Variants in WWTR1 observed in about 807,000 individuals in gnomAD.
The protein encoded by WWTR1 is WW domain containing transcription regulator 1.
WWTR1 carries 13 observed loss-of-function variants against 40.1 expected under a neutral mutation model. The ratio of observed to expected loss-of-function variants is 0.32; its 90% CI spans 0.21 to 0.52. The LOEUF (loss-of-function observed/expected upper bound fraction) is 0.52, where lower values mean the gene tolerates loss of function less well. Ranked by LOEUF, WWTR1 falls within the 20% of genes least tolerant of loss-of-function variation. The pLI is 0.97. For synonymous variants in WWTR1, 230 were observed against 210.1 expected, an observed-to-expected ratio of 1.09 and a Z score of -0.82; for missense variants, 436 against 523.1, an observed-to-expected ratio of 0.83 and a Z score of 1.63.
At chr3:149,642,527 G>A (rs960305043) in intron 2 of WWTR1, among the ~76,000 whole-genome samples, 6 of 152,010 alleles carry the variant, frequency 3.9e-5, no homozygotes, top group Non-Finnish European at 8.8e-5. Flanking sequence ...TGTAATCCCA[G>A]CACTTTGGGA....
At chr3:149,523,568 G>C (rs1477100391) in intron 6 of WWTR1, among the ~76,000 whole-genome samples, 1 of 152,208 alleles carries the variant, frequency 6.6e-6, no homozygotes, top group East Asian at 1.9e-4. Context: ...TCTTAAAAGG[G>C]TGTGATTACT....
intron 4 of WWTR1, among the ~76,000 whole-genome samples, chr3:149,723,185 C>CTT (rs35573546): frequency 0.11 from 11,165 of 102,088 alleles, 1,073 homozygotes; most frequent in African/African-American, 0.21. Context: ...CTTTTCTTTT[C>CTT]TTTTTTTTTT....
intron 1 of WWTR1, among the ~76,000 whole-genome samples, chr3:149,675,040 G>A (rs1360259743): frequency 6.6e-6 from 1 of 152,212 alleles, no homozygotes; most frequent in African/African-American, 2.4e-5. Context: ...TCCTTGAGAC[G>A]CTAGTCCGGG....
chr3:149,614,384 C>T (rs1739872982), intron 2 of WWTR1, among the ~76,000 whole-genome samples: 2 of 152,304 alleles, frequency 1.3e-5, no homozygotes, highest in South Asian at 4.1e-4. Context: ...CAGTAACATA[C>T]TGTACAGTTT....
intron 4 of WWTR1, among the ~76,000 whole-genome samples, chr3:149,718,766 CTAA>C (rs1186433310): frequency 6.6e-6 from 1 of 152,136 alleles, no homozygotes; most frequent in Non-Finnish European, 1.5e-5. Flanking sequence ...TTCACTTAGC[CTAA>C]TGTCCTCAAG....
intron 2 of WWTR1, among the ~76,000 whole-genome samples, chr3:149,591,516 C>A (rs1331922268): frequency 1.3e-5 from 2 of 152,038 alleles, no homozygotes; most frequent in East Asian, 1.9e-4. Flanking sequence ...ATGTAACCAG[C>A]CTTTATAATT....
At chr3:149,665,802 C>A (rs1713792068) in intron 2 of WWTR1, among the ~76,000 whole-genome samples, 1 of 152,046 alleles carries the variant, frequency 6.6e-6, no homozygotes, top group South Asian at 2.1e-4. Flanking sequence ...ATAAATATTT[C>A]TCTTTGTGTG....
intron 2 of WWTR1, among the ~76,000 whole-genome samples, chr3:149,628,697 G>A (rs1357859507): frequency 4.0e-5 from 6 of 151,788 alleles, no homozygotes; most frequent in African/African-American, 1.5e-4. Flanking sequence ...TAATCCAATG[G>A]TACAAGTCTC....
intron 1 of WWTR1, among the ~76,000 whole-genome samples, chr3:149,675,589 G>A (rs887959844): frequency 3.3e-5 from 5 of 152,176 alleles, no homozygotes; most frequent in African/African-American, 1.2e-4. Context: ...AGAGCTTAGA[G>A]GAAGACAATG....
intron 5 of WWTR1, among the ~76,000 whole-genome samples, chr3:149,717,199 T>C (rs531743126): frequency 2.0e-5 from 3 of 152,302 alleles, no homozygotes; most frequent in South Asian, 4.1e-4. Flanking sequence ...TTTGCAATTA[T>C]ATGGTGCTTC....
In WWTR1 at chr3:149,517,616, T is replaced by G. The variant is rs1369891000; in HGVS notation, c.*3189A>C. On this transcript the variant is annotated 3_prime_UTR_variant, in exon 7 of 7. Coordinates refer to ENST00000360632, the MANE Select transcript of WWTR1 (RefSeq NM_015472.6). ...TTCTGTCAGTCTAGATCACTTCTTC[T>G]GCAGAGAGCTTTTCAACCAAGTTGG... 1 of 152,208 alleles carries G rather than the reference T, an allele frequency of 6.6e-6. No homozygotes were observed. Among genetic ancestry groups the G allele is most frequent in the Non-Finnish European group, 1.5e-5 (1 of 68,030 alleles). 9.4% of individuals were successfully genotyped at this position (152,208 alleles called of 1,614,324 possible). A position where few individuals can be genotyped will look rare whatever the true frequency, so the allele number is the denominator to read the frequency against.
chr3:149,530,177 C>T (rs1464567130), intron 4 of WWTR1, among the ~76,000 whole-genome samples: 3 of 151,964 alleles, frequency 2.0e-5, no homozygotes, highest in Admixed American at 2.0e-4. Context: ...GAAACCCTGT[C>T]TCTACTAAAA....
At chr3:149,554,542 C>T (rs1360531690) in intron 3 of WWTR1, among the ~76,000 whole-genome samples, 1 of 151,968 alleles carries the variant, frequency 6.6e-6, no homozygotes, top group Non-Finnish European at 1.5e-5. Context: ...GTAACACTGG[C>T]TTTTATATTT....
chr3:149,577,727 G>A (rs550627567), intron 2 of WWTR1, among the ~76,000 whole-genome samples: 18 of 152,154 alleles, frequency 1.2e-4, no homozygotes, highest in Non-Finnish European at 2.5e-4. Context: ...CCAGAAAGAC[G>A]CAAATGTAGA....
intron 3 of WWTR1, among the ~76,000 whole-genome samples, chr3:149,564,611 A>G (rs533467468): frequency 4.6e-5 from 7 of 152,238 alleles, no homozygotes; most frequent in Non-Finnish European, 7.4e-5. Flanking sequence ...TTAAAAATAC[A>G]TAACTGACTT....
chr3:149,704,543 C>T (rs1715281452), upstream of WWTR1, among the ~76,000 whole-genome samples: 2 of 152,186 alleles, frequency 1.3e-5, no homozygotes, highest in Admixed American at 1.3e-4. Flanking sequence ...TATAATGAAG[C>T]ACTATTCTCA....
At chr3:149,617,302 TC>T (rs1278540402) in intron 2 of WWTR1, among the ~76,000 whole-genome samples, 1 of 152,152 alleles carries the variant, frequency 6.6e-6, no homozygotes, top group African/African-American at 2.4e-5. Context: ...CAGTGTGCAA[TC>T]CGTCTTCTCT....
chr3:149,535,526 C>G lies in WWTR1; in HGVS notation c.771+6809G>C, dbSNP rs183903934. Among the ~76,000 whole-genome samples the G allele has an allele frequency of 2.0e-5, 3 of 152,196 alleles. No individual in the cohort carries two copies. The South Asian group carries it at 6.2e-4, about 32-fold the overall frequency. On this transcript the variant is annotated intron_variant, in intron 4 of 6. Coordinates refer to ENST00000360632, the MANE Select transcript of WWTR1 (RefSeq NM_015472.6). ...CAGACTGTCCCTACAAAAGAACAAT[C>G]GAAACTGCGATACTTTTAGGAAGCC... is the stretch of plus-strand genomic sequence containing the variant.
At chr3:149,622,541 G>GAAAGAA (rs1740357255) in intron 2 of WWTR1, among the ~76,000 whole-genome samples, 2 of 149,128 alleles carry the variant, frequency 1.3e-5, no homozygotes, top group African/African-American at 4.9e-5. Flanking sequence ...AAGAAAGAAA[G>GAAAGAA]AAAAAGAAAG....
Sources: allele counts gnomAD v4.1 joint callset (sites outside exome capture counted in the v4.1 genomes callset), GRCh38; gene constraint gnomAD v4.1.1; transcripts MANE v1.5; gene names NCBI Gene and HGNC (gene_info 2026-07-23, HGNC 2026-07-21).